VAV2: variants seen among roughly 807,000 people sequenced by gnomAD.
VAV2 encodes the protein guanine nucleotide exchange factor VAV2.
A neutral mutation model predicts 132.5 loss-of-function variants in VAV2; 67 were observed. The observed-to-expected ratio is 0.51, with a 90% CI of 0.42 to 0.62. VAV2 has a LOEUF of 0.62. Ranked by LOEUF, VAV2 falls within the 20% of genes least tolerant of loss-of-function variation. The pLI is 0.00. For missense variants in VAV2, 938 were observed against 1,153.6 expected, an observed-to-expected ratio of 0.81 and a Z score of 2.71; for synonymous variants, 492 against 443.5, an observed-to-expected ratio of 1.11 and a Z score of -1.37.
At chr9:133,778,621 C>A in intron 22 of VAV2, 141 bp downstream of exon 22, 1 of 1,319,808 alleles carries the variant, frequency 7.6e-7, no homozygotes, top group Non-Finnish European at 1.0e-6. Flanking sequence ...CCTTGCTAGG[C>A]CCCCTGTGCC....
Position 133,797,740 on chromosome 9 carries a change from G to C in VAV2, c.906C>G (p.Ala302=), listed in dbSNP as rs1270633385. ...CTTTCTGCCTGAAGTCCTCCCGGCT[G>C]GCCAGGAGCTGGTTCAGTGTGTTCT... ...HAQNTLNQLL[A]SREDFRQKVE... The change falls in exon 10 of 30, where the codon GCC becomes GCG. Residue 302 remains alanine (A), a synonymous_variant. Coordinates refer to ENST00000371850, the MANE Select transcript of VAV2 (RefSeq NM_001134398.2). The C allele has an allele frequency of 6.2e-7, 1 of 1,614,092 alleles. No homozygotes were observed. The highest frequency in any genetic ancestry group is 1.7e-5 in the Admixed American group (1 of 60,012).
chr9:133,924,013 G>A (rs1222135252), intron 2 of VAV2, among the ~76,000 whole-genome samples: 1 of 151,916 alleles, frequency 6.6e-6, no homozygotes, highest in Non-Finnish European at 1.5e-5. Context: ...CTAGGGGAGG[G>A]AGAGCATTAG....
chr9:133,906,765 A>G (rs1839670095), intron 2 of VAV2, among the ~76,000 whole-genome samples: 1 of 152,190 alleles, frequency 6.6e-6, no homozygotes, highest in Non-Finnish European at 1.5e-5. Flanking sequence ...GCGCCTGGAG[A>G]GCTGGGGGCA....
At chr9:133,971,034 T>C (rs1170275004) in intron 1 of VAV2, among the ~76,000 whole-genome samples, 2 of 152,124 alleles carry the variant, frequency 1.3e-5, no homozygotes, top group Admixed American at 6.5e-5. Flanking sequence ...ATATTACAGG[T>C]GCAAGTCACA....
chr9:133,925,923 C>T (rs1432455092), intron 2 of VAV2: 1 of 146,318 alleles, frequency 6.8e-6, no homozygotes, highest in African/African-American at 2.6e-5. Flanking sequence ...CAGGCTCCAA[C>T]AGACACAATT....
At position 133,939,216 on chromosome 9, in the gene VAV2, G is replaced by A. The variant is rs1340715110; in HGVS notation, c.208C>T (p.Leu70=). ...AAGGTGCGTATGTTCTTCAAACACA[G>A]AAACTAAAGGGAAAAAACAAAGGGA... ...INFRPQMSQF[L]CLKNIRTFLK... The change falls in exon 2 of 30, where the codon CTG becomes TTG. Residue 70 remains leucine (L), a synonymous_variant. Coordinates refer to ENST00000371850, the MANE Select transcript of VAV2 (RefSeq NM_001134398.2). 6.2e-7 allele frequency: 1 copy of A among 1,613,960 alleles called. No homozygotes were observed. Among genetic ancestry groups the A allele is most frequent in the Admixed American group, 1.7e-5 (1 of 60,012 alleles).
chr9:133,763,970 TCCC>T lies in VAV2; in HGVS notation c.*89_*91del. On this transcript the variant is annotated 3_prime_UTR_variant, in exon 30 of 30. Coordinates refer to ENST00000371850, the MANE Select transcript of VAV2 (RefSeq NM_001134398.2). The surrounding 1 kb of genome is among the most constrained non-coding windows in gnomAD (Gnocchi z 6.8). ...AGTGGAAGACTGGGAGGTTGGTATT[TCCC>T]CTCTGAGTCACAGAGGAGCTAGAGA... is the stretch of plus-strand genomic sequence containing the variant. 1 of 1,470,746 alleles carries T rather than the reference TCCC, an allele frequency of 6.8e-7. No homozygotes were observed. Among genetic ancestry groups the T allele is most frequent in the Non-Finnish European group, 9.5e-7 (1 of 1,052,078 alleles). The allele number at this position is 1,470,746 out of a possible 1,614,324, so 91.1% of individuals were successfully genotyped here. A position where few individuals can be genotyped will look rare whatever the true frequency, so the allele number is the denominator to read the frequency against.
chr9:133,909,988 G>A (rs567691825), intron 2 of VAV2, among the ~76,000 whole-genome samples: 63 of 144,696 alleles, frequency 4.4e-4, no homozygotes, highest in Non-Finnish European at 7.8e-4. Context: ...CACTCCATCA[G>A]ACAGCCCCCC....
At chr9:133,815,800 C>A (rs7033537) in intron 4 of VAV2, among the ~76,000 whole-genome samples, 32,640 of 152,094 alleles carry the variant, frequency 0.21, 4,282 homozygotes, top group African/African-American at 0.37. Context: ...GCACGCACGC[C>A]TGTGTGGTGG....
chr9:133,971,783 C>T (rs1034357355), intron 1 of VAV2, among the ~76,000 whole-genome samples: 4 of 152,120 alleles, frequency 2.6e-5, no homozygotes, highest in Admixed American at 1.3e-4. Flanking sequence ...CTGCACCACC[C>T]GGGTCCTGAA....
chr9:133,902,760 T>C (rs1266287052), intron 2 of VAV2, among the ~76,000 whole-genome samples: 5 of 152,174 alleles, frequency 3.3e-5, no homozygotes, highest in Admixed American at 6.5e-5. Flanking sequence ...TAATCCAATA[T>C]GACCCGTGTC....
intron 2 of VAV2, among the ~76,000 whole-genome samples, chr9:133,880,417 G>A (rs1354591041): frequency 6.6e-6 from 1 of 152,230 alleles, no homozygotes; most frequent in Non-Finnish European, 1.5e-5. Flanking sequence ...GGGCAGCCAT[G>A]GGGAACTCCC....
intron 2 of VAV2, among the ~76,000 whole-genome samples, chr9:133,933,400 A>G (rs1181851081): frequency 6.6e-6 from 1 of 152,274 alleles, no homozygotes; most frequent in Admixed American, 6.5e-5. Flanking sequence ...ACAGAATGAT[A>G]GATGGATGAA....
At chr9:133,922,511 G>A (rs1412366942) in intron 2 of VAV2, among the ~76,000 whole-genome samples, 1 of 152,172 alleles carries the variant, frequency 6.6e-6, no homozygotes, top group Non-Finnish European at 1.5e-5. Flanking sequence ...CTGCCAACCC[G>A]CAGGCTGTAT....
At chr9:133,787,374 C>G (rs978511441) in intron 15 of VAV2, 114 bp from the exon 16 acceptor site, 21 of 1,239,534 alleles carry the variant, frequency 1.7e-5, no homozygotes, top group Non-Finnish European at 1.2e-5. Flanking sequence ...GTGGAACACC[C>G]CCCAGTGCCC....
chr9:133,868,702 C>G (rs760149590), intron 2 of VAV2, among the ~76,000 whole-genome samples: 13 of 152,348 alleles, frequency 8.5e-5, no homozygotes, highest in Non-Finnish European at 1.2e-4. Context: ...CCTGAAGGGT[C>G]CCGCCATCTC....
intron 4 of VAV2, among the ~76,000 whole-genome samples, chr9:133,814,758 G>A (rs7874490): frequency 0.037 from 5,589 of 151,534 alleles, 355 homozygotes; most frequent in African/African-American, 0.13. Flanking sequence ...CCCCCATGCC[G>A]CCCCCATCAC....
rs549501421 is a variant in VAV2 at position 133,848,229 on chromosome 9, G to A, written c.380+13145C>T. 2.7e-3 allele frequency among the ~76,000 whole-genome samples: 377 copies of A among 140,272 alleles called. 1 individual carries two copies. The highest frequency in any genetic ancestry group is 9.5e-3 in the African/African-American group (361 of 37,856). 92.0% of individuals were successfully genotyped at this position (140,272 alleles called of 152,430 possible). ...CAGGAGGCGGAGCTTGCAGTGAGCC[G>A]AGATCGCGCCATTGCACTCCAGCCT... On this transcript the variant is annotated intron_variant, in intron 3 of 29. Transcript: ENST00000371850.
chr9:133,964,979 A>G (rs530940307), intron 1 of VAV2, among the ~76,000 whole-genome samples: 85 of 152,320 alleles, frequency 5.6e-4, no homozygotes, highest in Non-Finnish European at 1.2e-3. Flanking sequence ...CAGACCAATT[A>G]AACACAGGAA....
Sources: gnomAD v4.1 joint callset for allele counts (sites outside exome capture counted in the v4.1 genomes callset) on GRCh38, gnomAD v4.1.1 for gene constraint, Gnocchi (gnomAD v3.1) non-coding constraint, MANE v1.5 for transcripts, NCBI Gene and HGNC (gene_info 2026-07-23, HGNC 2026-07-21) for gene names.